The following ADGRB3 variants were observed in gnomAD, a reference collection of about 807,000 sequenced individuals.
ADGRB3 encodes brain-specific angiogenesis inhibitor 3.
Under a neutral mutation model 193.4 loss-of-function variants are expected in ADGRB3, and 37 were observed. That is an observed-to-expected ratio of 0.19 (90% confidence interval 0.15 to 0.25). The LOEUF (loss-of-function observed/expected upper bound fraction) is 0.25, where lower values mean the gene tolerates loss of function less well. Ranked by LOEUF, ADGRB3 falls within the 10% of genes least tolerant of loss-of-function variation. ADGRB3 has a pLI of 1.00. For missense variants in ADGRB3, 1,637 were observed against 1,852.9 expected (o/e 0.88, Z 2.14); for synonymous variants, 690 against 644.2 (o/e 1.07, Z -1.08).
intron 13 of ADGRB3, among the ~76,000 whole-genome samples, chr6:69,031,137 C>T (rs1770669660): frequency 7.1e-6 from 1 of 141,096 alleles, no homozygotes; most frequent in South Asian, 2.2e-4. Flanking sequence ...CTGTCTCTCT[C>T]TCTCAAGAAT....
At chr6:68,772,338 A>G (rs1766634010) in intron 3 of ADGRB3, among the ~76,000 whole-genome samples, 1 of 152,096 alleles carries the variant, frequency 6.6e-6, no homozygotes, top group African/African-American at 2.4e-5. Context: ...ATGGATGGAT[A>G]AGTAGATTTC....
chr6:69,113,195 G>A (rs1773420403), intron 17 of ADGRB3, among the ~76,000 whole-genome samples: 1 of 151,714 alleles, frequency 6.6e-6, no homozygotes, highest in Admixed American at 6.6e-5. Context: ...AGATGCCGAG[G>A]AATGACTATA....
At chr6:68,920,280 G>A (rs1289316308) in intron 3 of ADGRB3, among the ~76,000 whole-genome samples, 1 of 152,116 alleles carries the variant, frequency 6.6e-6, no homozygotes, top group Non-Finnish European at 1.5e-5. Context: ...CACTTTGGGA[G>A]GCCGAGGCAG....
intron 3 of ADGRB3, among the ~76,000 whole-genome samples, chr6:68,774,282 A>C (rs1387456592): frequency 1.3e-5 from 2 of 152,010 alleles, no homozygotes; most frequent in Non-Finnish European, 2.9e-5. Flanking sequence ...AGGAAGCAGG[A>C]AAAAATTTGA....
chr6:68,822,179 A>G (rs1408882919), intron 3 of ADGRB3, among the ~76,000 whole-genome samples: 1 of 151,940 alleles, frequency 6.6e-6, no homozygotes, highest in East Asian at 1.9e-4. Flanking sequence ...CGGAAAATAA[A>G]GAGAAGACAG....
chr6:68,767,634 A>G (rs924106569), intron 3 of ADGRB3, among the ~76,000 whole-genome samples: 39 of 152,280 alleles, frequency 2.6e-4, no homozygotes, highest in African/African-American at 9.4e-4. Flanking sequence ...CTGGCACAAG[A>G]CAAAGATGCC....
intron 20 of ADGRB3, among the ~76,000 whole-genome samples, chr6:69,241,285 G>A (rs1766379727): frequency 6.6e-6 from 1 of 151,564 alleles, no homozygotes; most frequent in Admixed American, 6.6e-5. Flanking sequence ...AAAACCCGAT[G>A]AAATTAATTT....
At chr6:68,647,056 T>C (rs1236421865) in intron 3 of ADGRB3, among the ~76,000 whole-genome samples, 2 of 152,128 alleles carry the variant, frequency 1.3e-5, no homozygotes, top group Admixed American at 6.6e-5. Flanking sequence ...CAAAGCAAAA[T>C]TGAAATAAAA....
At chr6:69,208,173 C>T (rs1554169991) in intron 17 of ADGRB3, among the ~76,000 whole-genome samples, 1 of 152,180 alleles carries the variant, frequency 6.6e-6, no homozygotes, top group Non-Finnish European at 1.5e-5. Flanking sequence ...TGGGCAATAA[C>T]AGGGGTGGCT....
At chr6:69,045,474 C>G (rs1304980045) in intron 13 of ADGRB3, among the ~76,000 whole-genome samples, 5 of 152,014 alleles carry the variant, frequency 3.3e-5, no homozygotes, top group African/African-American at 1.2e-4. Flanking sequence ...ATTCATACTA[C>G]TTTAAGAACT....
At chr6:68,937,849 A>G (rs1767522228) in intron 5 of ADGRB3, among the ~76,000 whole-genome samples, 1 of 152,224 alleles carries the variant, frequency 6.6e-6, no homozygotes, top group South Asian at 2.1e-4. Flanking sequence ...TCTGTTTCAC[A>G]ACATTATGAA....
At chr6:68,669,169 G>A (rs7740011) in intron 3 of ADGRB3, among the ~76,000 whole-genome samples, 7 of 151,838 alleles carry the variant, frequency 4.6e-5, no homozygotes, top group African/African-American at 1.2e-4. Context: ...AAATAAGGAC[G>A]TCATGGAGAA....
At chr6:68,885,329 G>A (rs535427990) in intron 3 of ADGRB3, among the ~76,000 whole-genome samples, 18 of 152,112 alleles carry the variant, frequency 1.2e-4, no homozygotes, top group African/African-American at 3.4e-4. Context: ...CCTTCTCCAG[G>A]TTAATTTTTT....
rs895578720 is a variant in ADGRB3 at position 68,645,421 on chromosome 6, A to G, written c.757+5989A>G. ...CCTGTGGAAATTTCTTCCCGATTCA[A>G]TTAACTAATAAGAAATCAGAGATAA... On this transcript the variant is annotated intron_variant, in intron 3 of 31. Transcript: ENST00000370598. Among the ~76,000 whole-genome samples, 3 of 152,326 alleles carry G rather than the reference A, an allele frequency of 2.0e-5. No individual in the cohort carries two copies. In the East Asian group the frequency reaches 5.8e-4, roughly 29 times the overall value.
chr6:69,344,766 A>G (rs556822299), intron 26 of ADGRB3, among the ~76,000 whole-genome samples: 3 of 152,224 alleles, frequency 2.0e-5, no homozygotes, highest in Non-Finnish European at 4.4e-5. Flanking sequence ...TTGAAGAGGA[A>G]GGAGGAGATG....
chr6:68,955,956 A>G, intron 6 of ADGRB3, 68 bp from the exon 7 acceptor site: 3 of 1,527,854 alleles, frequency 2.0e-6, no homozygotes, highest in Non-Finnish European at 2.7e-6. Context: ...TGGTTTTACC[A>G]GGTACTTTCT....
At position 68,993,818 on chromosome 6, in the gene ADGRB3, G is replaced by A. The variant is rs1769307865; in HGVS notation, c.1785G>A (p.Met595Ile). ...AGCGAATGCTGGCAGGTGATGGAAT[G>A]TCCCAGGTGACCAAGACACTGTTGG... ...KGQRMLAGDG[M>I]SQVTKTLLDL... Residue 595 changes from methionine (M) to isoleucine (I), a missense_variant, in exon 11 of 32, where the codon ATG (methionine) becomes ATA (isoleucine). Physicochemically the swap from Met to Ile is conservative, Grantham distance 10. Around this residue, in one of 7 missense-constraint regions of ADGRB3, gnomAD observed 641 missense variants for 673.9 expected, o/e 0.95. Transcript: ENST00000370598. The A allele has an allele frequency of 1.9e-6, 3 of 1,613,888 alleles. No homozygotes were observed. Among genetic ancestry groups the A allele is most frequent in the East Asian group, 4.5e-5 (2 of 44,900 alleles).
intron 20 of ADGRB3, among the ~76,000 whole-genome samples, chr6:69,310,581 AT>A: frequency 6.6e-6 from 1 of 151,884 alleles, no homozygotes; most frequent in Middle Eastern, 3.4e-3. Context: ...TAAATTCAAA[AT>A]TGGAAGTGTT....
At chr6:69,354,112 C>CAAAATCAGTATAAGATAGT in intron 26 of ADGRB3, 121 bp from the exon 27 acceptor site, 1 of 600,462 alleles carries the variant, frequency 1.7e-6, no homozygotes, top group South Asian at 2.7e-5. Flanking sequence ...AAGAAGTAAA[C>CAAAATCAGTATAAGATAGT]AAAATCAGTA....
Sources: gnomAD v4.1 joint callset for allele counts (sites outside exome capture counted in the v4.1 genomes callset) on GRCh38, gnomAD v4.1.1 for gene constraint, gnomAD v4.1.1 regional missense constraint, MANE v1.5 for transcripts, NCBI Gene and HGNC (gene_info 2026-07-23, HGNC 2026-07-21) for gene names.